MDGA2: variants seen among roughly 807,000 people sequenced by gnomAD.
MDGA2 encodes MAM domain containing glycosylphosphatidylinositol anchor 2.
A neutral mutation model predicts 117.8 loss-of-function variants in MDGA2; 40 were observed. The ratio of observed to expected loss-of-function variants is 0.34; its 90% CI spans 0.26 to 0.44. The LOEUF (loss-of-function observed/expected upper bound fraction) is 0.44. Among genes scored for constraint, MDGA2 ranks in the 20% least tolerant of loss-of-function variants. The pLI is 1.00. For missense variants in MDGA2, 1,123 were observed against 1,250.6 expected (o/e 0.90, Z 1.54); for synonymous variants, 452 against 439.0 (o/e 1.03, Z -0.37).
chr14:47,119,128 G>A (rs1265277135), intron 5 of MDGA2, among the ~76,000 whole-genome samples: 5 of 111,588 alleles, frequency 4.5e-5, no homozygotes, highest in Non-Finnish European at 8.8e-5. Context: ...TCGGCTCACC[G>A]CAAGCTCCGC....
At position 46,967,001 on chromosome 14, in the gene MDGA2, C is replaced by T. The variant is rs940746261; in HGVS notation, c.1820-9358G>A. On this transcript the variant is annotated intron_variant, in intron 8 of 16. Coordinates refer to ENST00000399232, the MANE Select transcript of MDGA2 (RefSeq NM_001113498.3). ...GCATTTATTTCTTGAAAAAAAATGA[C>T]AGTTTCAATGAGTACCAGAACTGTA... 7.9e-5 allele frequency among the ~76,000 whole-genome samples: 12 copies of T among 151,610 alleles called. No homozygotes were observed. In the East Asian group the frequency reaches 2.3e-3, roughly 29 times the overall value.
intron 14 of MDGA2, among the ~76,000 whole-genome samples, chr14:46,868,874 T>C (rs1881884588): frequency 6.6e-6 from 1 of 152,016 alleles, no homozygotes; most frequent in Non-Finnish European, 1.5e-5. Flanking sequence ...AACTTCCATG[T>C]CAGCTTGCTG....
At chr14:47,366,152 C>G (rs1049646799) in intron 1 of MDGA2, among the ~76,000 whole-genome samples, 1 of 152,166 alleles carries the variant, frequency 6.6e-6, no homozygotes, top group Non-Finnish European at 1.5e-5. Flanking sequence ...TTCAAGCGTT[C>G]TTTCACATAG....
rs1166478714 is a variant in MDGA2, at chr14:47,004,801, AC to A, written c.1819+30209del. 3.3e-5 allele frequency among the ~76,000 whole-genome samples: 5 copies of A among 151,582 alleles called. No homozygotes were observed. The East Asian group carries it at 9.6e-4, about 29-fold the overall frequency. ...GTGTGCAGGTCTTTCACATCTTTTC[AC>A]AGATTTTTCCCTGACAATCATACAG... is the stretch of plus-strand genomic sequence containing the variant. On this transcript the variant is annotated intron_variant, in intron 8 of 16. Coordinates refer to ENST00000399232, the MANE Select transcript of MDGA2 (RefSeq NM_001113498.3).
chr14:47,281,022 A>G (rs1461423629), intron 2 of MDGA2, among the ~76,000 whole-genome samples: 1 of 147,838 alleles, frequency 6.8e-6, no homozygotes, highest in African/African-American at 2.4e-5. Flanking sequence ...ATATATAATA[A>G]AATATATAAT....
intron 8 of MDGA2, among the ~76,000 whole-genome samples, chr14:47,017,929 T>G (rs955458023): frequency 6.6e-6 from 1 of 152,136 alleles, no homozygotes; most frequent in African/African-American, 2.4e-5. Flanking sequence ...AATTTTAGAC[T>G]TAATATTTCT....
chr14:47,104,352 C>T (rs1594624602), intron 5 of MDGA2, among the ~76,000 whole-genome samples: 1 of 150,302 alleles, frequency 6.7e-6, no homozygotes, highest in South Asian at 2.1e-4. Context: ...TGTAAATGGC[C>T]GGTCCTTGCC....
intron 1 of MDGA2, among the ~76,000 whole-genome samples, chr14:47,631,425 A>C (rs930657543): frequency 6.6e-6 from 1 of 152,204 alleles, no homozygotes; most frequent in Admixed American, 6.5e-5. Flanking sequence ...TAAAATGATT[A>C]AATTTCTCTT....
chr14:47,545,778 T>C (rs913144408), intron 1 of MDGA2, among the ~76,000 whole-genome samples: 1 of 152,106 alleles, frequency 6.6e-6, no homozygotes, highest in African/African-American at 2.4e-5. Context: ...TCATGTACAG[T>C]GGTGGGCTAC....
intron 1 of MDGA2, among the ~76,000 whole-genome samples, chr14:47,614,209 C>G (rs1896908035): frequency 6.6e-6 from 1 of 150,870 alleles, no homozygotes; most frequent in African/African-American, 2.4e-5. Context: ...CTTGCCTCAG[C>G]CTCCCGAGTA....
intron 3 of MDGA2, among the ~76,000 whole-genome samples, chr14:47,167,775 A>G (rs1883945310): frequency 6.6e-6 from 1 of 152,206 alleles, no homozygotes; most frequent in Non-Finnish European, 1.5e-5. Flanking sequence ...TTATATGAAC[A>G]AAATGATATT....
At chr14:47,656,069 G>A (rs1897737652) in intron 1 of MDGA2, among the ~76,000 whole-genome samples, 1 of 152,146 alleles carries the variant, frequency 6.6e-6, no homozygotes, top group Non-Finnish European at 1.5e-5. Flanking sequence ...CATACTACTG[G>A]GAACTTACTT....
intron 1 of MDGA2, among the ~76,000 whole-genome samples, chr14:47,626,936 C>T (rs905951912): frequency 6.6e-6 from 1 of 152,232 alleles, no homozygotes; most frequent in African/African-American, 2.4e-5. Context: ...CACCCCGGTG[C>T]GGGATCCACT....
At chr14:47,027,244 C>T (rs568900003) in intron 8 of MDGA2, among the ~76,000 whole-genome samples, 50 of 151,916 alleles carry the variant, frequency 3.3e-4, no homozygotes, top group African/African-American at 9.7e-4. Flanking sequence ...AATATCCTTA[C>T]GGCCTTATGG....
chr14:47,443,642 A>G (rs1893060848), intron 1 of MDGA2, among the ~76,000 whole-genome samples: 1 of 152,196 alleles, frequency 6.6e-6, no homozygotes, highest in Non-Finnish European at 1.5e-5. Context: ...AATATCAAAT[A>G]TGGTACTAAT....
At chr14:47,200,780 G>T in intron 3 of MDGA2, 3 of 833,006 alleles carry the variant, frequency 3.6e-6, no homozygotes, top group Non-Finnish European at 4.0e-6. Context: ...CCCCAGTTAG[G>T]CAAACTTTCT....
intron 1 of MDGA2, among the ~76,000 whole-genome samples, chr14:47,549,347 C>CTCTCTCTCTCTCTCTCTCTCTCTCT (rs1196038137): frequency 6.8e-6 from 1 of 147,600 alleles, no homozygotes; most frequent in East Asian, 2.0e-4. Context: ...AGTATTATCT[C>CTCTCTCTCTCTCTCTCTCTCTCTCT]TCTCTCTCTC....
intron 1 of MDGA2, among the ~76,000 whole-genome samples, chr14:47,406,647 A>G (rs567642553): frequency 6.6e-5 from 10 of 152,094 alleles, no homozygotes; most frequent in Admixed American, 3.3e-4. Flanking sequence ...TTTCCTCTTC[A>G]TTTCTCTATT....
intron 2 of MDGA2, among the ~76,000 whole-genome samples, chr14:47,265,131 T>C (rs910169701): frequency 6.6e-5 from 10 of 152,190 alleles, no homozygotes; most frequent in African/African-American, 2.4e-4. Flanking sequence ...ACCACTATAA[T>C]GGCATTGAAT....
Sources: gnomAD v4.1 joint callset for allele counts (sites outside exome capture counted in the v4.1 genomes callset) on GRCh38, gnomAD v4.1.1 for gene constraint, MANE v1.5 for transcripts, NCBI Gene and HGNC (gene_info 2026-07-23, HGNC 2026-07-21) for gene names.